Variants in LRP1B observed in about 807,000 individuals in gnomAD.
The protein encoded by LRP1B is LDL receptor related protein 1B.
In LRP1B, 217 loss-of-function variants were observed where a neutral mutation model predicts 556.6. The observed-to-expected ratio is 0.39, with a 90% CI of 0.35 to 0.44. LRP1B has a LOEUF of 0.44. LRP1B is among the 20% of genes least tolerant of loss of function. The pLI is 1.00. For missense variants in LRP1B, 5,053 were observed against 5,620.8 expected (o/e 0.90, Z 3.23); for synonymous variants, 2,047 against 1,865.8 (o/e 1.10, Z -2.50).
chr2:140,307,261 T>G, intron 83 of LRP1B, among the ~76,000 whole-genome samples: 1 of 151,958 alleles, frequency 6.6e-6, no homozygotes, highest in East Asian at 1.9e-4. Flanking sequence ...TAAACAGCAA[T>G]AGCAAAACCT....
chr2:142,129,252 G>C (rs1707763423), intron 1 of LRP1B, among the ~76,000 whole-genome samples: 1 of 152,154 alleles, frequency 6.6e-6, no homozygotes. Flanking sequence ...CCAACTTCAA[G>C]GCAAGTTGAG....
intron 84 of LRP1B, among the ~76,000 whole-genome samples, chr2:140,297,180 TG>T (rs1361119420): frequency 2.0e-5 from 3 of 152,124 alleles, no homozygotes; most frequent in African/African-American, 7.2e-5. Flanking sequence ...AGAAAGAAGC[TG>T]GGGGGATGTG....
intron 3 of LRP1B, among the ~76,000 whole-genome samples, chr2:141,290,218 A>G (rs950784758): frequency 6.6e-6 from 1 of 152,292 alleles, no homozygotes; most frequent in East Asian, 1.9e-4. Flanking sequence ...GCTCTACTTC[A>G]TGGAGGAAAT....
chr2:140,816,134 T>A (rs746814695), intron 31 of LRP1B, among the ~76,000 whole-genome samples: 24 of 152,258 alleles, frequency 1.6e-4, no homozygotes, highest in African/African-American at 5.8e-4. Context: ...TTTTTCTTTT[T>A]TTCAGACAGA....
Position 142,013,176 on chromosome 2 carries a change from G to A in LRP1B, c.82+117472C>T, listed in dbSNP as rs181068949. On this transcript the variant is annotated intron_variant, in intron 1 of 90. Transcript: ENST00000389484. ...TTTAATTTATATGGGTAAAAATGGC[G>A]CTCATAATCCTTATTACTTTTTTTT... Among the ~76,000 whole-genome samples the A allele has an allele frequency of 2.4e-3, 359 of 152,182 alleles. 5 individuals are homozygous for A. The highest frequency in any genetic ancestry group is 3.6e-3 in the Non-Finnish European group (244 of 67,984).
At position 140,814,470 on chromosome 2, in the gene LRP1B, A is replaced by G. The variant is rs113425098; in HGVS notation, c.5210-664T>C. Among the ~76,000 whole-genome samples, 37 of 152,282 alleles carry G rather than the reference A, an allele frequency of 2.4e-4. 1 individual carries two copies. Among genetic ancestry groups the G allele is most frequent in the African/African-American group, 8.4e-4 (35 of 41,562 alleles). On this transcript the variant is annotated intron_variant, in intron 31 of 90. Coordinates refer to ENST00000389484, the MANE Select transcript of LRP1B (RefSeq NM_018557.3). ...TTAGTGGACATTCCAGATATTTTTGAAAGTTTCTGTTTCCAAATTGAGTGC... is the reference window on the plus strand; with the variant it reads ...TTAGTGGACATTCCAGATATTTTTGGAAGTTTCTGTTTCCAAATTGAGTGC...
intron 1 of LRP1B, among the ~76,000 whole-genome samples, chr2:141,979,250 G>A (rs1239261814): frequency 1.3e-5 from 2 of 152,178 alleles, no homozygotes; most frequent in South Asian, 2.1e-4. Context: ...ACAATTGGAA[G>A]AAAGCAAAGA....
chr2:141,785,062 TAACTTCACAGGAAAAAA>T (rs759426028), intron 2 of LRP1B, among the ~76,000 whole-genome samples: 15 of 151,968 alleles, frequency 9.9e-5, no homozygotes, highest in Non-Finnish European at 2.1e-4. Flanking sequence ...TTCTCCCTCC[TAACTTCACAGGAAAAAA>T]ACCTTTCTCA....
chr2:141,131,364 T>C (rs1701347420), intron 7 of LRP1B, among the ~76,000 whole-genome samples: 1 of 142,380 alleles, frequency 7.0e-6, no homozygotes, highest in Non-Finnish European at 1.5e-5. Flanking sequence ...AGAATACAAA[T>C]ACTATGCTAT....
chr2:141,618,706 A>C (rs1688397677), intron 2 of LRP1B, among the ~76,000 whole-genome samples: 1 of 152,114 alleles, frequency 6.6e-6, no homozygotes, highest in Admixed American at 6.5e-5. Context: ...ATTGTGCCGG[A>C]TATGTTTTGG....
At chr2:140,668,497 T>C (rs2105353602) in intron 41 of LRP1B, among the ~76,000 whole-genome samples, 1 of 152,204 alleles carries the variant, frequency 6.6e-6, no homozygotes, top group Non-Finnish European at 1.5e-5. Context: ...TGTTTCACAT[T>C]GATTGTAATT....
chr2:140,339,180 A>T (rs16843800), intron 77 of LRP1B, among the ~76,000 whole-genome samples: 2,655 of 151,934 alleles, frequency 0.017, 83 homozygotes, highest in African/African-American at 0.061. Context: ...TGATTGTAAC[A>T]AAATTAGAGG....
chr2:140,906,170 T>C (rs908195815), intron 22 of LRP1B, among the ~76,000 whole-genome samples: 3 of 152,176 alleles, frequency 2.0e-5, no homozygotes, highest in South Asian at 2.1e-4. Context: ...AAATTGTCTT[T>C]TTATTTTCTC....
intron 3 of LRP1B, among the ~76,000 whole-genome samples, chr2:141,449,158 A>G (rs1215826949): frequency 6.6e-6 from 1 of 152,114 alleles, no homozygotes; most frequent in African/African-American, 2.4e-5. Flanking sequence ...ATTCCCTTTT[A>G]TTCTAGTTGG....
chr2:141,587,763 T>C (rs1449454644), intron 2 of LRP1B, among the ~76,000 whole-genome samples: 1 of 152,138 alleles, frequency 6.6e-6, no homozygotes, highest in Non-Finnish European at 1.5e-5. Flanking sequence ...ACACGTGAAA[T>C]ACTTAATGCT....
At chr2:141,937,447 G>A (rs908661715) in intron 1 of LRP1B, among the ~76,000 whole-genome samples, 2 of 150,730 alleles carry the variant, frequency 1.3e-5, no homozygotes, top group Non-Finnish European at 3.0e-5. Flanking sequence ...GAAAATTAAA[G>A]AGGCTGTAGC....
intron 46 of LRP1B, among the ~76,000 whole-genome samples, chr2:140,536,344 G>GTT (rs1376671322): frequency 2.9e-5 from 2 of 68,264 alleles, no homozygotes; most frequent in East Asian, 3.9e-4. Context: ...AAAAAAAAAG[G>GTT]CTATTTTGTG....
chr2:140,402,103 A>T (rs1175239260), intron 66 of LRP1B, among the ~76,000 whole-genome samples: 1 of 152,126 alleles, frequency 6.6e-6, no homozygotes, highest in Non-Finnish European at 1.5e-5. Flanking sequence ...GGATAGCTAA[A>T]CCCAGAAAAG....
rs537624347 is a variant in LRP1B at position 141,083,983 on chromosome 2, A to G, written c.1014-21710T>C. Among the ~76,000 whole-genome samples the G allele has an allele frequency of 3.3e-5, 5 of 152,368 alleles. No homozygotes were observed. The South Asian group carries it at 1.0e-3, about 32-fold the overall frequency. The stretch of plus-strand genomic sequence containing the variant: ...TAAAAACCTGGTTCTAACATGTATC[A>G]GCTGGGAATAAGTTACTTAACCTTT... On this transcript the variant is annotated intron_variant, in intron 7 of 90. Coordinates refer to ENST00000389484, the MANE Select transcript of LRP1B (RefSeq NM_018557.3).
Sources: allele counts gnomAD v4.1 joint callset (sites outside exome capture counted in the v4.1 genomes callset), GRCh38; gene constraint gnomAD v4.1.1; transcripts MANE v1.5; gene names NCBI Gene and HGNC (gene_info 2026-07-23, HGNC 2026-07-21).